Variants in CHRNA7 observed in about 807,000 individuals in gnomAD.
CHRNA7 encodes the protein cholinergic receptor nicotinic alpha 7 subunit.
CHRNA7 carries 17 observed loss-of-function variants against 48.0 expected under a neutral mutation model. The observed-to-expected ratio is 0.35, with a 90% confidence interval of 0.24 to 0.53. The LOEUF (loss-of-function observed/expected upper bound fraction) is 0.53, where lower values mean the gene tolerates loss of function less well. Ranked by LOEUF, CHRNA7 falls within the 20% of genes least tolerant of loss-of-function variation. CHRNA7 has a pLI of 0.92. For synonymous variants in CHRNA7, 75 were observed against 242.3 expected (o/e 0.31, Z 6.41); for missense variants, 155 against 577.7 (o/e 0.27, Z 7.50).
At chr15:32,122,587 C>CTA (rs1214158456) in intron 4 of CHRNA7, among the ~76,000 whole-genome samples, 2 of 152,034 alleles carry the variant, frequency 1.3e-5, no homozygotes, top group African/African-American at 4.8e-5. Context: ...ATTTATTCTA[C>CTA]TAAATAGTTT....
At chr15:32,152,080 A>G (rs1398104151) in intron 4 of CHRNA7, among the ~76,000 whole-genome samples, 1 of 152,184 alleles carries the variant, frequency 6.6e-6, no homozygotes, top group Non-Finnish European at 1.5e-5. Context: ...GGTTTTAATC[A>G]GGCATGGTGA....
At position 32,128,597 on chromosome 15, in the gene CHRNA7, A is replaced by G. The variant is rs373230254; in HGVS notation, c.350+16698A>G. On this transcript the variant is annotated intron_variant, in intron 4 of 9. Transcript: ENST00000306901. ...TTAGTATAGCAATTATTTTATGTTG[A>G]TCTTGTATTTCTGACCTTGCTGAAC... 1.2e-4 allele frequency among the ~76,000 whole-genome samples: 18 copies of G among 151,188 alleles called. No homozygotes were observed. In the South Asian group the frequency reaches 3.5e-3, roughly 30 times the overall value.
chr15:32,140,703 G>T lies in CHRNA7; in HGVS notation c.351-13204G>T, dbSNP rs537214556. ...ATGATGAGCATTTTTTCATGTGTCT[G>T]TTGTCTGCATAAATGTCTTCTTTTG... On this transcript the variant is annotated intron_variant, in intron 4 of 9. Transcript: ENST00000306901. Among the ~76,000 whole-genome samples the T allele has an allele frequency of 1.2e-4, 18 of 152,266 alleles. No individual in the cohort carries two copies. The East Asian group carries it at 1.5e-3, about 13-fold the overall frequency.
chr15:32,067,954 G>A (rs190764060), intron 2 of CHRNA7, among the ~76,000 whole-genome samples: 1 of 152,274 alleles, frequency 6.6e-6, no homozygotes, highest in Non-Finnish European at 1.5e-5. Context: ...TTAGAAGGCA[G>A]TAGGGAAGGA....
intron 2 of CHRNA7, among the ~76,000 whole-genome samples, chr15:32,079,850 A>G (rs1376286872): frequency 6.6e-6 from 1 of 152,162 alleles, no homozygotes; most frequent in Non-Finnish European, 1.5e-5. Context: ...GGCAATTCCA[A>G]GCAAAAAAGA....
chr15:32,137,700 C>A (rs557179753), intron 4 of CHRNA7, among the ~76,000 whole-genome samples: 1 of 152,168 alleles, frequency 6.6e-6, no homozygotes, highest in Non-Finnish European at 1.5e-5. Context: ...AACTGGATAT[C>A]TAAATGTGAA....
At chr15:32,106,546 T>C (rs2050672857) in intron 3 of CHRNA7, among the ~76,000 whole-genome samples, 1 of 152,186 alleles carries the variant, frequency 6.6e-6, no homozygotes, top group Admixed American at 6.5e-5. Context: ...CTGGTTCCTC[T>C]GCAGCCGGTT....
At chr15:32,136,446 G>A (rs1005890775) in intron 4 of CHRNA7, among the ~76,000 whole-genome samples, 25 of 147,038 alleles carry the variant, frequency 1.7e-4, no homozygotes, top group African/African-American at 5.8e-4. Flanking sequence ...AGCTGAGATA[G>A]CACCACTGCA....
chr15:32,112,465 G>A, intron 4 of CHRNA7: 1 of 406,932 alleles, frequency 2.5e-6, no homozygotes, highest in Admixed American at 2.6e-5. Flanking sequence ...GGAAATAAGG[G>A]ACACGTCGGT....
chr15:32,057,441 G>A (rs898958687), intron 2 of CHRNA7, among the ~76,000 whole-genome samples: 1 of 152,130 alleles, frequency 6.6e-6, no homozygotes, highest in Non-Finnish European at 1.5e-5. Flanking sequence ...TACACTGACT[G>A]ATTTTAAGGA....
intron 4 of CHRNA7, among the ~76,000 whole-genome samples, chr15:32,119,148 A>T (rs2141293927): frequency 6.6e-6 from 1 of 152,248 alleles, no homozygotes; most frequent in African/African-American, 2.4e-5. Context: ...CTTCTAGAAA[A>T]CTGATGGCAA....
chr15:32,079,882 T>A (rs1253084873), intron 2 of CHRNA7, among the ~76,000 whole-genome samples: 1 of 151,736 alleles, frequency 6.6e-6, no homozygotes, highest in Non-Finnish European at 1.5e-5. Context: ...GCAGCATCAC[T>A]CTACCCAACT....
intron 9 of CHRNA7, chr15:32,166,238 C>T (rs559449414): frequency 1.3e-5 from 2 of 152,364 alleles, no homozygotes; most frequent in Non-Finnish European, 2.9e-5. Context: ...GGATTATACT[C>T]ATTTCACCGG....
intron 4 of CHRNA7, among the ~76,000 whole-genome samples, chr15:32,114,180 G>A (rs1429654916): frequency 6.7e-6 from 1 of 149,640 alleles, no homozygotes; most frequent in African/African-American, 2.5e-5. Context: ...CATATTATAT[G>A]TATAACATGT....
At chr15:32,038,356 G>A (rs2049388791) in intron 2 of CHRNA7, among the ~76,000 whole-genome samples, 1 of 151,646 alleles carries the variant, frequency 6.6e-6, no homozygotes, top group Admixed American at 6.6e-5. Context: ...AATAGGAGTT[G>A]GATTATGTCA....
intron 2 of CHRNA7, among the ~76,000 whole-genome samples, chr15:32,080,553 C>A (rs937941569): frequency 6.6e-6 from 1 of 152,124 alleles, no homozygotes; most frequent in South Asian, 2.1e-4. Context: ...AGCTCCACAT[C>A]ACGAATCATT....
At chr15:32,142,559 GGGTTGGTA>G (rs2051402992) in intron 4 of CHRNA7, among the ~76,000 whole-genome samples, 1 of 152,022 alleles carries the variant, frequency 6.6e-6, no homozygotes, top group South Asian at 2.1e-4. Flanking sequence ...GGACTTTTTT[GGGTTGGTA>G]GGCTATTAAT....
chr15:32,074,666 A>ATTATTATTATTATTATTATTATTATTT (rs991862925), intron 2 of CHRNA7, among the ~76,000 whole-genome samples: 3 of 107,298 alleles, frequency 2.8e-5, no homozygotes, highest in African/African-American at 9.5e-5. Flanking sequence ...TATTATTATT[A>ATTATTATTATTATTATTATTATTATTT]TTTTTGAGAC....
chr15:32,070,639 T>TG (rs1232137082), intron 2 of CHRNA7, among the ~76,000 whole-genome samples: 2 of 151,368 alleles, frequency 1.3e-5, no homozygotes, highest in Admixed American at 1.3e-4. Flanking sequence ...TGAGTTTTTT[T>TG]TGTGTGTGTG....
Sources: gnomAD v4.1 joint callset for allele counts (sites outside exome capture counted in the v4.1 genomes callset) on GRCh38, gnomAD v4.1.1 for gene constraint, MANE v1.5 for transcripts, NCBI Gene and HGNC (gene_info 2026-07-23, HGNC 2026-07-21) for gene names.